CTNNA3: variants seen among roughly 807,000 people sequenced by gnomAD.
CTNNA3 encodes catenin alpha 3, also known as catenin alpha-3.
A neutral mutation model predicts 95.7 loss-of-function variants in CTNNA3; 76 were observed. The ratio of observed to expected loss-of-function variants is 0.79; its 90% CI spans 0.66 to 0.96. The LOEUF is 0.96. CTNNA3 is among the 40% of genes least tolerant of loss of function. The pLI is 0.00. For missense variants in CTNNA3, 1,191 were observed against 1,089.8 expected, an observed-to-expected ratio of 1.09 and a Z score of -1.31; for synonymous variants, 431 against 374.4, an observed-to-expected ratio of 1.15 and a Z score of -1.74.
chr10:67,184,911 TACA>T (rs1035233327), intron 6 of CTNNA3, among the ~76,000 whole-genome samples: 35 of 152,316 alleles, frequency 2.3e-4, no homozygotes, highest in Admixed American at 2.3e-3. Context: ...TCTGACATGT[TACA>T]ACAAGTTAGT....
chr10:67,750,361 C>T lies in CTNNA3; in HGVS notation c.-2+13073G>A. The T allele has an allele frequency of 4.0e-6, 6 of 1,505,864 alleles. No homozygotes were observed. In the South Asian group the frequency reaches 5.6e-5, roughly 14 times the overall value. The allele number at this position is 1,505,864 out of a possible 1,614,324, so 93.3% of individuals were successfully genotyped here. ...TGGGCACTTGGAAGTCTCCTCTCGG[C>T]AAAGTGAAAGAAGTGGTGAAGGTGG... is the stretch of plus-strand genomic sequence containing the variant. On this transcript the variant is annotated intron_variant, in intron 1 of 17. Transcript: ENST00000684154.
At chr10:67,737,635 C>A (rs111747839) in intron 1 of CTNNA3, among the ~76,000 whole-genome samples, 16 of 152,080 alleles carry the variant, frequency 1.1e-4, no homozygotes, top group Non-Finnish European at 2.9e-5. Flanking sequence ...ATTTATGCAG[C>A]CAAAAGACAC....
At chr10:67,507,252 G>A (rs1030417310) in intron 5 of CTNNA3, among the ~76,000 whole-genome samples, 4 of 152,044 alleles carry the variant, frequency 2.6e-5, no homozygotes, top group East Asian at 3.8e-4. Flanking sequence ...AATCAAGGCC[G>A]GGTGCAGTGG....
rs182656582 is a variant in CTNNA3 at position 67,529,685 on chromosome 10, A to T, written c.460-7724T>A. 8.6e-3 allele frequency among the ~76,000 whole-genome samples: 1,303 copies of T among 152,126 alleles called. 12 individuals are homozygous for T. The highest frequency in any genetic ancestry group is 0.02 in the Middle Eastern group (6 of 294). On this transcript the variant is annotated intron_variant, in intron 4 of 17. Transcript: ENST00000433211. ...AATAAAATAAAATAAAATAAAATTTAAAAAATATACGTTTGAAAAAAAAAT... is the reference window on the plus strand; with the variant it reads ...AATAAAATAAAATAAAATAAAATTTTAAAAATATACGTTTGAAAAAAAAAT...
Position 66,518,506 on chromosome 10 carries a change from T to C in CTNNA3, c.1531+2111A>G, listed in dbSNP as rs139020924. The stretch of plus-strand genomic sequence containing the variant: ...TTTCCAATATAAGGTGTTGACTGAA[T>C]TTACTTTGTGAAGTCTATATGAAGG... On this transcript the variant is annotated intron_variant, in intron 11 of 17. Transcript: ENST00000433211. 2.8e-4 allele frequency among the ~76,000 whole-genome samples: 42 copies of C among 152,232 alleles called. No homozygotes were observed. In the East Asian group the frequency reaches 3.3e-3, roughly 12 times the overall value.
intron 7 of CTNNA3, among the ~76,000 whole-genome samples, chr10:66,895,914 C>CAAAAA (rs869248195): frequency 8.7e-5 from 7 of 80,146 alleles, no homozygotes; most frequent in Non-Finnish European, 1.5e-4. Context: ...CCTGTCTCTA[C>CAAAAA]AAAAAAAAAA....
At chr10:67,183,046 C>G (rs965739506) in intron 6 of CTNNA3, among the ~76,000 whole-genome samples, 1 of 152,138 alleles carries the variant, frequency 6.6e-6, no homozygotes, top group Non-Finnish European at 1.5e-5. Context: ...ACAACAGGTG[C>G]TGGAGAGGAT....
intron 5 of CTNNA3, 79 bp from the exon 6 acceptor site, chr10:67,219,949 G>GT: frequency 8.5e-7 from 1 of 1,175,730 alleles, no homozygotes; most frequent in Non-Finnish European, 1.2e-6. Flanking sequence ...TTCTTTTTTT[G>GT]TAAGTATAAA....
At chr10:66,533,369 C>T (rs1016352178) in intron 10 of CTNNA3, among the ~76,000 whole-genome samples, 4 of 152,076 alleles carry the variant, frequency 2.6e-5, no homozygotes, top group African/African-American at 9.7e-5. Flanking sequence ...CACGGTTGAG[C>T]ATTTATCACA....
chr10:67,669,005 A>T (rs1424958204), intron 1 of CTNNA3, among the ~76,000 whole-genome samples: 1 of 151,620 alleles, frequency 6.6e-6, no homozygotes, highest in Non-Finnish European at 1.5e-5. Flanking sequence ...TGCCCGGCTA[A>T]TTTTTTGTAT....
chr10:66,437,501 T>C (rs1371905570), intron 11 of CTNNA3, among the ~76,000 whole-genome samples: 1 of 152,180 alleles, frequency 6.6e-6, no homozygotes, highest in Non-Finnish European at 1.5e-5. Flanking sequence ...TTGTGTATGC[T>C]TCACAAAGTT....
At chr10:66,674,227 T>G (rs1259453618) in intron 9 of CTNNA3, among the ~76,000 whole-genome samples, 2 of 152,098 alleles carry the variant, frequency 1.3e-5, no homozygotes, top group Non-Finnish European at 2.9e-5. Flanking sequence ...TTGCTTCTGA[T>G]TTTTATTGAT....
intron 1 of CTNNA3, among the ~76,000 whole-genome samples, chr10:67,703,076 G>T (rs1841054143): frequency 6.6e-6 from 1 of 152,164 alleles, no homozygotes; most frequent in East Asian, 1.9e-4. Context: ...ACTAAACCAG[G>T]AAGAAGTTGA....
At chr10:66,903,750 C>G (rs1845859972) in intron 7 of CTNNA3, among the ~76,000 whole-genome samples, 1 of 152,062 alleles carries the variant, frequency 6.6e-6, no homozygotes, top group African/African-American at 2.4e-5. Flanking sequence ...CAACAGAGAG[C>G]CAAATCATGA....
At chr10:66,665,486 A>G (rs961009995) in intron 9 of CTNNA3, among the ~76,000 whole-genome samples, 3 of 152,204 alleles carry the variant, frequency 2.0e-5, no homozygotes, top group African/African-American at 7.2e-5. Context: ...CTGTCTTTGT[A>G]TTCTTTTTTA....
intron 13 of CTNNA3, among the ~76,000 whole-genome samples, chr10:66,138,403 A>G (rs2133870354): frequency 6.6e-6 from 1 of 152,316 alleles, no homozygotes; most frequent in African/African-American, 2.4e-5. Flanking sequence ...TATAACCAAC[A>G]ATCCATAATG....
chr10:67,622,294 A>G (rs1564789507), intron 2 of CTNNA3, among the ~76,000 whole-genome samples: 1 of 152,148 alleles, frequency 6.6e-6, no homozygotes, highest in East Asian at 1.9e-4. Flanking sequence ...TGCCCACACA[A>G]TCAGTTTATA....
chr10:66,386,196 C>G (rs1240851829), intron 11 of CTNNA3, among the ~76,000 whole-genome samples: 1 of 152,150 alleles, frequency 6.6e-6, no homozygotes, highest in Non-Finnish European at 1.5e-5. Context: ...TTAGAAAACC[C>G]CATCATATCA....
intron 1 of CTNNA3, among the ~76,000 whole-genome samples, chr10:67,763,095 A>G (rs980785728): frequency 3.9e-5 from 6 of 152,196 alleles, no homozygotes; most frequent in East Asian, 1.9e-4. Flanking sequence ...ACGTAGGTAC[A>G]ATCTAAGGAC....
Sources: allele counts gnomAD v4.1 joint callset (sites outside exome capture counted in the v4.1 genomes callset), GRCh38; gene constraint gnomAD v4.1.1; transcripts MANE v1.5; gene names NCBI Gene and HGNC (gene_info 2026-07-23, HGNC 2026-07-21).